SLC29A3: variants seen among roughly 807,000 people sequenced by gnomAD.
SLC29A3 encodes equilibrative nucleoside transporter 3.
A neutral mutation model predicts 25.4 loss-of-function variants in SLC29A3; 18 were observed. The observed-to-expected ratio is 0.71, with a 90% CI of 0.49 to 1.05. The LOEUF is 1.05. Ranked by LOEUF, SLC29A3 falls within the 50% of genes least tolerant of loss-of-function variation. The probability of loss-of-function intolerance (pLI) is 0.00; values close to 1 mark genes in which losing one functional copy is unlikely to be tolerated. For missense variants in SLC29A3, 586 were observed against 609.0 expected, an observed-to-expected ratio of 0.96 and a Z score of 0.40; for synonymous variants, 258 against 267.1, an observed-to-expected ratio of 0.97 and a Z score of 0.33.
At position 71,322,441 on chromosome 10, in the gene SLC29A3, C is replaced by T. The variant is rs113979923; in HGVS notation, c.2-315C>T. Among the ~76,000 whole-genome samples the T allele has an allele frequency of 7.7e-3, 1,170 of 152,332 alleles. 6 individuals are homozygous for T. The highest frequency in any genetic ancestry group is 0.024 in the African/African-American group (1,006 of 41,572). ...GCCTTTCTGGGTACATTGCCACAGT[C>T]CCCACTATCATGCAGTGTTTTACAA... On this transcript the variant is annotated intron_variant, in intron 1 of 5. Coordinates refer to ENST00000373189, the MANE Select transcript of SLC29A3 (RefSeq NM_018344.6).
At chr10:71,339,832 G>A (rs1846350246) in intron 2 of SLC29A3, among the ~76,000 whole-genome samples, 1 of 152,116 alleles carries the variant, frequency 6.6e-6, no homozygotes, top group African/African-American at 2.4e-5. Context: ...TGGCCCTGGT[G>A]GAAACCCCCC....
At chr10:71,377,450 C>A (rs1489995264) in intron 4 of SLC29A3, among the ~76,000 whole-genome samples, 1 of 152,174 alleles carries the variant, frequency 6.6e-6, no homozygotes, top group African/African-American at 2.4e-5. Context: ...CTCTGGCAGG[C>A]AAACAGCCAC....
chr10:71,327,129 C>T (rs910877242), intron 2 of SLC29A3, among the ~76,000 whole-genome samples: 3 of 152,166 alleles, frequency 2.0e-5, no homozygotes, highest in Admixed American at 2.0e-4. Context: ...TTTATTCTTT[C>T]CTGTACTTTC....
chr10:71,323,889 G>A (rs764106163), intron 2 of SLC29A3, among the ~76,000 whole-genome samples: 6 of 152,162 alleles, frequency 3.9e-5, no homozygotes, highest in Non-Finnish European at 8.8e-5. Context: ...CTGTGTTTGG[G>A]GCACAAGTAA....
intron 1 of SLC29A3, among the ~76,000 whole-genome samples, chr10:71,322,287 A>G (rs1411425132): frequency 6.6e-6 from 1 of 152,176 alleles, no homozygotes; most frequent in African/African-American, 2.4e-5. Flanking sequence ...AGCATATTCT[A>G]CACACCATCC....
chr10:71,376,162 G>A (rs1417210), intron 4 of SLC29A3, among the ~76,000 whole-genome samples: 136,191 of 152,302 alleles, frequency 0.89, 61,372 homozygotes, highest in African/African-American at 0.95. Flanking sequence ...AAGTAAACAC[G>A]GCAATGTGTC....
intron 3 of SLC29A3, among the ~76,000 whole-genome samples, chr10:71,371,561 G>A (rs772215503): frequency 3.3e-5 from 5 of 152,130 alleles, no homozygotes; most frequent in African/African-American, 7.2e-5. Flanking sequence ...ACAGTGACCC[G>A]TCCTGTTTAA....
At position 71,323,054 on chromosome 10, in the gene SLC29A3, G is replaced by C. The variant is rs1240140273; in HGVS notation, c.300G>C (p.Leu100=). The change falls in exon 2 of 6, where the codon CTG becomes CTC. Residue 100 remains leucine, a splice_region_variant and synonymous_variant. Transcript: ENST00000373189. Reference sequence around the variant, plus strand: ...AGGACCCTGAGGGCTCAGACATCCTGGTAAGGGCATGTTTCTCCTGCAAGG... The same window carrying C: ...AGGACCCTGAGGGCTCAGACATCCTCGTAAGGGCATGTTTCTCCTGCAAGG... ...TGEDPEGSDI[L]NYFESYLAVA... 5 of 1,612,712 alleles carry C rather than the reference G, an allele frequency of 3.1e-6. No homozygotes were observed. Among genetic ancestry groups the C allele is most frequent in the Non-Finnish European group, 4.2e-6 (5 of 1,180,050 alleles).
At chr10:71,369,487 G>A (rs73280073) in intron 3 of SLC29A3, among the ~76,000 whole-genome samples, 2,469 of 152,292 alleles carry the variant, frequency 0.016, 73 homozygotes, top group African/African-American at 0.057. Flanking sequence ...GAAGTAAAAA[G>A]GAAGCAGAAC....
chr10:71,328,192 G>A (rs184945137), intron 2 of SLC29A3, among the ~76,000 whole-genome samples: 2 of 152,302 alleles, frequency 1.3e-5, no homozygotes, highest in Admixed American at 1.3e-4. Context: ...CTTAGTGTCA[G>A]CAGGGCTGGG....
At chr10:71,353,342 G>A (rs922809250) in intron 4 of SLC29A3, among the ~76,000 whole-genome samples, 3 of 152,198 alleles carry the variant, frequency 2.0e-5, no homozygotes, top group African/African-American at 4.8e-5. Flanking sequence ...TGGACTGAAG[G>A]CAGTGGCCAC....
intron 5 of SLC29A3, among the ~76,000 whole-genome samples, chr10:71,359,191 G>C (rs1846992601): frequency 6.6e-6 from 1 of 152,122 alleles, no homozygotes; most frequent in East Asian, 1.9e-4. Flanking sequence ...TTGATTACAG[G>C]CACGAGCCAC....
At position 71,343,677 on chromosome 10, in the gene SLC29A3, G is replaced by A. The variant is rs78329982; in HGVS notation, c.301-532G>A. ...GGTCACAAGAAAACCCAAGCGAGCG[G>A]TGCCTCATGCCTGTAATACCAGCAC... is the stretch of plus-strand genomic sequence containing the variant. On this transcript the variant is annotated intron_variant, in intron 2 of 5. Coordinates refer to ENST00000373189, the MANE Select transcript of SLC29A3 (RefSeq NM_018344.6). Among the ~76,000 whole-genome samples, 377 of 152,294 alleles carry A rather than the reference G, an allele frequency of 2.5e-3. 1 individual carries two copies. Among genetic ancestry groups the A allele is most frequent in the African/African-American group, 8.7e-3 (362 of 41,552 alleles).
intron 2 of SLC29A3, among the ~76,000 whole-genome samples, chr10:71,332,260 C>T (rs938600283): frequency 2.7e-5 from 4 of 150,764 alleles, no homozygotes; most frequent in Non-Finnish European, 4.4e-5. Flanking sequence ...AGTGATTCTG[C>T]TGCCTCAGCC....
intron 2 of SLC29A3, among the ~76,000 whole-genome samples, chr10:71,339,490 A>C (rs1846339502): frequency 6.6e-6 from 1 of 152,042 alleles, no homozygotes; most frequent in African/African-American, 2.4e-5. Context: ...CGTGGGTTTG[A>C]GAATTCAGAG....
At chr10:71,356,446 G>A (rs1221147753) in intron 5 of SLC29A3, among the ~76,000 whole-genome samples, 2 of 152,288 alleles carry the variant, frequency 1.3e-5, no homozygotes, top group African/African-American at 2.4e-5. Flanking sequence ...GTTTAATCAT[G>A]GTGAATAATA....
chr10:71,379,742 T>G (rs979096702), intron 4 of SLC29A3: 1 of 152,260 alleles, frequency 6.6e-6, no homozygotes, highest in Non-Finnish European at 1.5e-5. Flanking sequence ...GCTAAATTTC[T>G]TATCATTTTG....
chr10:71,354,719 A>G (rs1340015738), intron 4 of SLC29A3, among the ~76,000 whole-genome samples: 1 of 152,188 alleles, frequency 6.6e-6, no homozygotes, highest in Non-Finnish European at 1.5e-5. Flanking sequence ...TGAAGTGGGC[A>G]GGTTCATCCC....
chr10:71,348,462 G>A (rs993572340), intron 3 of SLC29A3, among the ~76,000 whole-genome samples: 4 of 152,266 alleles, frequency 2.6e-5, no homozygotes, highest in East Asian at 1.9e-4. Context: ...ACGGAGAGCC[G>A]ATGACAGAGC....
Sources: gnomAD v4.1 joint callset for allele counts (sites outside exome capture counted in the v4.1 genomes callset) on GRCh38, gnomAD v4.1.1 for gene constraint, MANE v1.5 for transcripts, NCBI Gene and HGNC (gene_info 2026-07-23, HGNC 2026-07-21) for gene names.